The following LAMA2 variants were observed in gnomAD, a reference collection of about 807,000 sequenced individuals.
The protein encoded by LAMA2 is laminin subunit alpha-2.
A neutral mutation model predicts 364.8 loss-of-function variants in LAMA2; 269 were observed. That is an observed-to-expected ratio of 0.74 (90% CI 0.67 to 0.82). The LOEUF (loss-of-function observed/expected upper bound fraction) is 0.82. Among genes scored for constraint, LAMA2 ranks in the 40% least tolerant of loss-of-function variants. LAMA2 has a pLI of 0.00. For missense variants in LAMA2, 3,807 were observed against 3,873.2 expected, an observed-to-expected ratio of 0.98 and a Z score of 0.45; for synonymous variants, 1,379 against 1,370.6, an observed-to-expected ratio of 1.01 and a Z score of -0.14.
rs116154909 is a variant in LAMA2 at position 129,431,789 on chromosome 6, G to A, written c.5968+3935G>A. Among the ~76,000 whole-genome samples the A allele has an allele frequency of 2.4e-3, 364 of 152,256 alleles. 3 individuals are homozygous for A. Among genetic ancestry groups the A allele is most frequent in the African/African-American group, 8.5e-3 (352 of 41,562 alleles). On this transcript the variant is annotated intron_variant, in intron 41 of 64. Coordinates refer to ENST00000421865, the MANE Select transcript of LAMA2 (RefSeq NM_000426.4). ...ATCATTAAGTTTTATCAAACCAGTT[G>A]AAGCCTTCCTTCTATACAGTGGTCC...
intron 7 of LAMA2, 47 bp downstream of exon 7, chr6:129,149,143 G>GA (rs748868978): frequency 4.2e-6 from 5 of 1,195,860 alleles, no homozygotes; most frequent in Admixed American, 1.7e-5. Context: ...TCCTTTCCAA[G>GA]AAAAAAAGCC....
chr6:129,250,119 CAGT>C lies in LAMA2; in HGVS notation c.1793_1795del (p.Val598del), dbSNP rs1165542235. On this transcript the variant is annotated inframe_deletion, in exon 13 of 65. Coordinates refer to ENST00000421865, the MANE Select transcript of LAMA2 (RefSeq NM_000426.4). Reference sequence around the variant, plus strand: ...GCATCTTCTGTCTTGTAGCTCCCAGCAGTAGGAGGACAGTTGACATTTACCATA... The same window carrying C: ...GCATCTTCTGTCTTGTAGCTCCCAGCAGGAGGACAGTTGACATTTACCATA... 4 of 1,591,656 alleles carry C rather than the reference CAGT, an allele frequency of 2.5e-6. No homozygotes were observed. Among genetic ancestry groups the C allele is most frequent in the Non-Finnish European group, 3.4e-6 (4 of 1,160,044 alleles).
intron 40 of LAMA2, among the ~76,000 whole-genome samples, chr6:129,404,681 G>A (rs1269294604): frequency 6.6e-6 from 1 of 152,048 alleles, no homozygotes; most frequent in Non-Finnish European, 1.5e-5. Flanking sequence ...AAAATGTTCA[G>A]AACCATCATT....
intron 37 of LAMA2, among the ~76,000 whole-genome samples, chr6:129,394,576 T>C (rs1186011855): frequency 2.0e-5 from 3 of 152,240 alleles, no homozygotes; most frequent in African/African-American, 7.2e-5. Context: ...CCAGAAATAC[T>C]GCTGTGAGGC....
intron 35 of LAMA2, among the ~76,000 whole-genome samples, chr6:129,387,163 T>C (rs1181667540): frequency 6.6e-6 from 1 of 152,230 alleles, no homozygotes; most frequent in Non-Finnish European, 1.5e-5. Context: ...CATGTTTTTA[T>C]TTTCCTTTTT....
chr6:128,890,554 C>CAT (rs1019154263), intron 1 of LAMA2, among the ~76,000 whole-genome samples: 8 of 151,864 alleles, frequency 5.3e-5, no homozygotes, highest in Admixed American at 3.9e-4. Context: ...CACACACACA[C>CAT]ACACACACAC....
At chr6:129,120,238 A>G (rs1380060493) in intron 4 of LAMA2, among the ~76,000 whole-genome samples, 2 of 152,244 alleles carry the variant, frequency 1.3e-5, no homozygotes, top group Non-Finnish European at 2.9e-5. Flanking sequence ...TCATCAACAC[A>G]ATAAGATAAG....
chr6:129,355,802 A>T (rs191361824), intron 32 of LAMA2, among the ~76,000 whole-genome samples: 2 of 152,116 alleles, frequency 1.3e-5, no homozygotes, highest in African/African-American at 4.8e-5. Context: ...CTTCCCTGGG[A>T]AATATAATTT....
intron 56 of LAMA2, among the ~76,000 whole-genome samples, chr6:129,490,128 C>A (rs188876971): frequency 5.9e-5 from 9 of 152,288 alleles, no homozygotes; most frequent in Admixed American, 3.9e-4. Flanking sequence ...ATTTGATGTT[C>A]CTAAAAGGTA....
At chr6:129,221,120 A>T (rs1057333968) in intron 12 of LAMA2, among the ~76,000 whole-genome samples, 1 of 150,616 alleles carries the variant, frequency 6.6e-6, no homozygotes, top group Non-Finnish European at 1.5e-5. Context: ...CCAAGATCAC[A>T]CCACTGCACT....
At chr6:129,051,692 AGATC>A (rs1161727223) in intron 2 of LAMA2, among the ~76,000 whole-genome samples, 1 of 117,702 alleles carries the variant, frequency 8.5e-6, no homozygotes, top group African/African-American at 2.8e-5. Context: ...CTATATCTAT[AGATC>A]GATCTATAGA....
At chr6:128,895,080 A>G (rs890002738) in intron 1 of LAMA2, among the ~76,000 whole-genome samples, 27 of 152,206 alleles carry the variant, frequency 1.8e-4, no homozygotes, top group African/African-American at 6.5e-4. Context: ...AATCAGAAAA[A>G]GCCAAAACCA....
At chr6:128,982,154 T>C (rs1274577512) in intron 1 of LAMA2, among the ~76,000 whole-genome samples, 1 of 152,200 alleles carries the variant, frequency 6.6e-6, no homozygotes, top group Non-Finnish European at 1.5e-5. Context: ...TCCTAACTCA[T>C]AGAAATAACT....
At chr6:129,148,902 T>C (rs546710247) in intron 6 of LAMA2, 77 bp from the exon 7 acceptor site, 1 of 944,432 alleles carries the variant, frequency 1.1e-6, no homozygotes, top group East Asian at 2.4e-5. Context: ...CTTTTCTTCA[T>C]AGTACCTTTA....
At chr6:129,317,932 T>C (rs1774716858) in intron 27 of LAMA2, among the ~76,000 whole-genome samples, 1 of 152,132 alleles carries the variant, frequency 6.6e-6, no homozygotes, top group South Asian at 2.1e-4. Flanking sequence ...GTCTTTTTCT[T>C]TTGTCACACT....
chr6:129,392,985 A>G, intron 36 of LAMA2, 60 bp from the exon 37 acceptor site: 2 of 1,329,238 alleles, frequency 1.5e-6, no homozygotes, highest in Admixed American at 3.5e-5. Context: ...TTTAATACCA[A>G]TAAACCCTAA....
intron 2 of LAMA2, among the ~76,000 whole-genome samples, chr6:129,057,519 G>C (rs2114790741): frequency 6.6e-6 from 1 of 152,220 alleles, no homozygotes; most frequent in East Asian, 1.9e-4. Flanking sequence ...AAAACTAAGA[G>C]CTAGAACTCC....
At chr6:129,005,965 T>G (rs1412390199) in intron 1 of LAMA2, among the ~76,000 whole-genome samples, 1 of 151,974 alleles carries the variant, frequency 6.6e-6, no homozygotes, top group African/African-American at 2.4e-5. Context: ...CCTTCTTGTT[T>G]GGAATGATCT....
At chr6:129,358,689 T>A (rs1777293822) in intron 32 of LAMA2, among the ~76,000 whole-genome samples, 1 of 152,072 alleles carries the variant, frequency 6.6e-6, no homozygotes, top group South Asian at 2.1e-4. Context: ...GTAAAATGGA[T>A]GTAAAATGCT....
Sources: gnomAD v4.1 joint callset for allele counts (sites outside exome capture counted in the v4.1 genomes callset) on GRCh38, gnomAD v4.1.1 for gene constraint, MANE v1.5 for transcripts, NCBI Gene and HGNC (gene_info 2026-07-23, HGNC 2026-07-21) for gene names.